Variants in SGCZ observed in about 807,000 individuals in gnomAD.
SGCZ encodes zeta-sarcoglycan.
In SGCZ, 40 loss-of-function variants were observed where a neutral mutation model predicts 41.3. The ratio of observed to expected loss-of-function variants is 0.97; its 90% confidence interval spans 0.75 to 1.26. SGCZ has a LOEUF of 1.26. Ranked by LOEUF, SGCZ falls within the 50% of genes most tolerant of loss-of-function variation. SGCZ has a pLI of 0.00. For missense variants in SGCZ, 552 were observed against 369.8 expected, an observed-to-expected ratio of 1.49 and a Z score of -4.04; for synonymous variants, 206 against 137.5, an observed-to-expected ratio of 1.50 and a Z score of -3.49.
intron 3 of SGCZ, among the ~76,000 whole-genome samples, chr8:14,311,034 A>T (rs1211581364): frequency 6.6e-6 from 1 of 152,076 alleles, no homozygotes; most frequent in Admixed American, 6.6e-5. Context: ...AACCAAACTG[A>T]CCTAGTCACA....
chr8:15,195,672 G>T (rs1029590701), intron 1 of SGCZ, among the ~76,000 whole-genome samples: 4 of 152,176 alleles, frequency 2.6e-5, no homozygotes, highest in African/African-American at 9.6e-5. Flanking sequence ...ACGTCTCTCT[G>T]CAGGATTACT....
intron 1 of SGCZ, among the ~76,000 whole-genome samples, chr8:14,827,833 C>T (rs1034927558): frequency 6.6e-6 from 1 of 152,184 alleles, no homozygotes; most frequent in Admixed American, 6.5e-5. Context: ...TATACATAAA[C>T]ACACATTAAT....
chr8:14,893,619 G>T (rs886441280), intron 1 of SGCZ, among the ~76,000 whole-genome samples: 9 of 152,066 alleles, frequency 5.9e-5, no homozygotes, highest in African/African-American at 1.7e-4. Context: ...TTCTCATAAA[G>T]CTTTATAAAT....
intron 1 of SGCZ, among the ~76,000 whole-genome samples, chr8:14,987,396 A>G (rs1801859476): frequency 6.6e-6 from 1 of 152,004 alleles, no homozygotes; most frequent in Non-Finnish European, 1.5e-5. Flanking sequence ...CTTCTTCTAT[A>G]TAAATCCTGT....
chr8:14,379,704 T>C (rs1485942114), intron 2 of SGCZ, among the ~76,000 whole-genome samples: 1 of 152,026 alleles, frequency 6.6e-6, no homozygotes, highest in Non-Finnish European at 1.5e-5. Flanking sequence ...TGGGAGCTCC[T>C]ACCCTACAAT....
chr8:14,977,806 T>G (rs548648085), intron 1 of SGCZ, among the ~76,000 whole-genome samples: 3 of 152,178 alleles, frequency 2.0e-5, no homozygotes, highest in African/African-American at 4.8e-5. Flanking sequence ...TCTATGATTT[T>G]AAGAGATATA....
chr8:15,235,951 CTT>C (rs1367719098), intron 1 of SGCZ, among the ~76,000 whole-genome samples: 3 of 152,166 alleles, frequency 2.0e-5, no homozygotes, highest in African/African-American at 7.2e-5. Context: ...AGTAGGGAAT[CTT>C]TGCAAACATA....
At chr8:15,201,016 T>A (rs547227134) in intron 1 of SGCZ, among the ~76,000 whole-genome samples, 81 of 152,264 alleles carry the variant, frequency 5.3e-4, no homozygotes, top group African/African-American at 1.9e-3. Context: ...CCCAATCAGA[T>A]CTACTTTATC....
intron 4 of SGCZ, among the ~76,000 whole-genome samples, chr8:14,228,533 T>C (rs1304139725): frequency 6.6e-5 from 10 of 152,108 alleles, no homozygotes; most frequent in African/African-American, 2.2e-4. Context: ...ATTAATAAAA[T>C]GTTTATTCAT....
intron 5 of SGCZ, among the ~76,000 whole-genome samples, chr8:14,156,518 C>T (rs937940236): frequency 3.3e-5 from 5 of 152,014 alleles, no homozygotes; most frequent in Non-Finnish European, 5.9e-5. Flanking sequence ...TCAACAATAA[C>T]CTTAACTTAC....
At chr8:14,317,550 G>A (rs1412140829) in intron 3 of SGCZ, among the ~76,000 whole-genome samples, 1 of 151,836 alleles carries the variant, frequency 6.6e-6, no homozygotes, top group African/African-American at 2.4e-5. Context: ...AGGGGTCTAT[G>A]ACAAAACGGA....
chr8:14,434,077 G>A (rs10099187), intron 2 of SGCZ, among the ~76,000 whole-genome samples: 1 of 151,938 alleles, frequency 6.6e-6, no homozygotes, highest in African/African-American at 2.4e-5. Flanking sequence ...CCGATGTTAT[G>A]TTATAGAATT....
chr8:14,650,517 C>G (rs747570117), intron 1 of SGCZ, among the ~76,000 whole-genome samples: 29 of 152,050 alleles, frequency 1.9e-4, no homozygotes, highest in Non-Finnish European at 1.2e-4. Flanking sequence ...ACCCCTGACC[C>G]TAAGGTAGGC....
chr8:14,417,469 T>C (rs536411551), intron 2 of SGCZ, among the ~76,000 whole-genome samples: 60 of 152,028 alleles, frequency 3.9e-4, no homozygotes, highest in African/African-American at 1.3e-3. Context: ...TTATTATTTT[T>C]GTTCATCAGT....
At chr8:14,851,200 T>A (rs536822230) in intron 1 of SGCZ, among the ~76,000 whole-genome samples, 1 of 151,406 alleles carries the variant, frequency 6.6e-6, no homozygotes, top group Non-Finnish European at 1.5e-5. Context: ...AAACGCTGTC[T>A]TTACTAAAAA....
intron 1 of SGCZ, among the ~76,000 whole-genome samples, chr8:14,814,976 T>G (rs1464574968): frequency 3.3e-5 from 5 of 152,208 alleles, no homozygotes; most frequent in Non-Finnish European, 7.3e-5. Context: ...TGTTCTGAAC[T>G]CGGTTACTTC....
intron 5 of SGCZ, among the ~76,000 whole-genome samples, chr8:14,108,740 T>C (rs932069141): frequency 2.6e-5 from 4 of 152,126 alleles, no homozygotes; most frequent in African/African-American, 9.7e-5. Flanking sequence ...ATTGGAAGAA[T>C]ATCACCAGGC....
chr8:14,431,801 T>C (rs2117338310), intron 2 of SGCZ, among the ~76,000 whole-genome samples: 1 of 152,168 alleles, frequency 6.6e-6, no homozygotes, highest in Non-Finnish European at 1.5e-5. Flanking sequence ...TGGACTAATA[T>C]CCAGAATCTA....
chr8:14,854,817 T>C (rs1585321030), intron 1 of SGCZ, among the ~76,000 whole-genome samples: 1 of 151,928 alleles, frequency 6.6e-6, no homozygotes, highest in East Asian at 1.9e-4. Flanking sequence ...TCCCAGGGCA[T>C]ATAAACCCGG....
Sources: gnomAD v4.1 joint callset for allele counts (sites outside exome capture counted in the v4.1 genomes callset) on GRCh38, gnomAD v4.1.1 for gene constraint, MANE v1.5 for transcripts, NCBI Gene and HGNC (gene_info 2026-07-23, HGNC 2026-07-21) for gene names.